The following GRIN2A variants were observed in gnomAD, a reference collection of about 807,000 sequenced individuals.
GRIN2A encodes glutamate receptor ionotropic, NMDA 2A.
In GRIN2A, 22 loss-of-function variants were observed where a neutral mutation model predicts 113.4. The ratio of observed to expected loss-of-function variants is 0.19; its 90% confidence interval spans 0.14 to 0.28. The LOEUF (loss-of-function observed/expected upper bound fraction) is 0.28, where lower values mean the gene tolerates loss of function less well. Among genes scored for constraint, GRIN2A ranks in the 10% least tolerant of loss-of-function variants. The pLI is 1.00. For synonymous variants in GRIN2A, 827 were observed against 738.4 expected (o/e 1.12, Z -1.94); for missense variants, 1,502 against 1,887.0 (o/e 0.80, Z 3.78).
chr16:9,818,903 A>C (rs2141286889), intron 10 of GRIN2A, among the ~76,000 whole-genome samples: 1 of 152,362 alleles, frequency 6.6e-6, no homozygotes, highest in South Asian at 2.1e-4. Context: ...AATGTGACGC[A>C]ATACAAAGAT....
chr16:9,993,865 G>C (rs1055135403), intron 2 of GRIN2A, among the ~76,000 whole-genome samples: 2 of 152,184 alleles, frequency 1.3e-5, no homozygotes, highest in Admixed American at 6.5e-5. Context: ...GGCTCATGTG[G>C]GGAAAAGGAT....
At chr16:10,146,360 C>T (rs1037896880) in intron 2 of GRIN2A, among the ~76,000 whole-genome samples, 3 of 152,126 alleles carry the variant, frequency 2.0e-5, no homozygotes, top group African/African-American at 7.2e-5. Flanking sequence ...TCAGGTGATC[C>T]GCCCACCTCG....
At chr16:9,992,195 C>T (rs1323023055) in intron 2 of GRIN2A, among the ~76,000 whole-genome samples, 1 of 152,094 alleles carries the variant, frequency 6.6e-6, no homozygotes. Flanking sequence ...ATCCAATGAT[C>T]CGTTCATGGA....
At chr16:10,095,238 T>G (rs1384286417) in intron 2 of GRIN2A, among the ~76,000 whole-genome samples, 1 of 152,048 alleles carries the variant, frequency 6.6e-6, no homozygotes, top group Non-Finnish European at 1.5e-5. Context: ...TTTAGAACCA[T>G]GAAAAAAATA....
At chr16:9,832,739 C>A (rs2042518637) in intron 8 of GRIN2A, among the ~76,000 whole-genome samples, 1 of 152,172 alleles carries the variant, frequency 6.6e-6, no homozygotes, top group Non-Finnish European at 1.5e-5. Flanking sequence ...AGATTCCACC[C>A]TGTTGGAAAT....
intron 10 of GRIN2A, 101 bp from the exon 11 acceptor site, chr16:9,798,565 A>G: frequency 1.2e-6 from 1 of 817,650 alleles, no homozygotes; most frequent in Non-Finnish European, 2.1e-6. Context: ...ACTTTCTTTC[A>G]TGCTGGTGAT....
At chr16:9,993,061 CA>C (rs34615682) in intron 2 of GRIN2A, among the ~76,000 whole-genome samples, 67 of 149,726 alleles carry the variant, frequency 4.5e-4, no homozygotes, top group African/African-American at 7.1e-4. Flanking sequence ...ACCAAAAATA[CA>C]AAAAAAAACC....
chr16:10,013,595 C>T (rs2046550237), intron 2 of GRIN2A, among the ~76,000 whole-genome samples: 1 of 152,172 alleles, frequency 6.6e-6, no homozygotes, highest in African/African-American at 2.4e-5. Flanking sequence ...CTGAGACCTT[C>T]CTGGAATCAT....
At chr16:9,791,791 T>C (rs1044048125) in intron 11 of GRIN2A, among the ~76,000 whole-genome samples, 5 of 151,872 alleles carry the variant, frequency 3.3e-5, no homozygotes, top group Admixed American at 1.3e-4. Flanking sequence ...CAGTGGAAGA[T>C]ACAAGGCCAA....
chr16:9,940,345 C>G (rs957584431), intron 2 of GRIN2A, among the ~76,000 whole-genome samples: 2 of 152,024 alleles, frequency 1.3e-5, no homozygotes, highest in Non-Finnish European at 2.9e-5. Flanking sequence ...CATTGCAGTT[C>G]CATGAATTTT....
chr16:9,916,670 C>T (rs1018516699), intron 3 of GRIN2A, among the ~76,000 whole-genome samples: 26 of 152,166 alleles, frequency 1.7e-4, no homozygotes, highest in African/African-American at 6.3e-4. Context: ...ACTCCTAGCT[C>T]TTTTTCCACC....
Position 9,842,950 on chromosome 16 carries a change from A to AG in GRIN2A, c.1329-1847_1329-1846insC, listed in dbSNP as rs761806083. Among the ~76,000 whole-genome samples, 1,027 of 140,786 alleles carry AG rather than the reference A, an allele frequency of 7.3e-3. 5 individuals carry two copies. Among genetic ancestry groups the AG allele is most frequent in the Non-Finnish European group, 0.011 (691 of 64,850 alleles). The allele number at this position is 140,786 out of a possible 152,430, so 92.4% of individuals were successfully genotyped here. ...TGTCGAGAGAAAGAGAGAAAGAAAG[A>AG]AAGAGAGAGAGAGAGAGAGAGGAAG... On this transcript the variant is annotated intron_variant, in intron 5 of 12. Transcript: ENST00000330684.
chr16:10,101,562 TG>T (rs1289604796), intron 2 of GRIN2A, among the ~76,000 whole-genome samples: 1 of 111,984 alleles, frequency 8.9e-6, no homozygotes, highest in African/African-American at 3.4e-5. Flanking sequence ...CCAGAATCCC[TG>T]GGGTCATTTA....
rs1052168243 is a variant in GRIN2A at position 9,892,330 on chromosome 16, T to C, written c.1008-1230A>G. Among the ~76,000 whole-genome samples the C allele has an allele frequency of 2.6e-5, 4 of 151,994 alleles. 1 individual carries two copies. Among genetic ancestry groups the C allele is most frequent in the Admixed American group, 2.6e-4 (4 of 15,266 alleles). On this transcript the variant is annotated intron_variant, in intron 3 of 12. Coordinates refer to ENST00000330684, the MANE Select transcript of GRIN2A (RefSeq NM_001134407.3). ...TGTCAATTGAAGGCTGTGTAGAGAA[T>C]AGATTGGAGGGGAACCAGAGCGGGT...
intron 3 of GRIN2A, among the ~76,000 whole-genome samples, chr16:9,903,281 T>G (rs909321508): frequency 2.6e-5 from 4 of 152,140 alleles, no homozygotes; most frequent in Admixed American, 2.0e-4. Flanking sequence ...CTTGGTTTTC[T>G]TAATCCATTC....
chr16:10,144,965 G>T (rs1189634935), intron 2 of GRIN2A, among the ~76,000 whole-genome samples: 5 of 129,300 alleles, frequency 3.9e-5, no homozygotes, highest in South Asian at 2.7e-4. Context: ...TAAAGAAAAT[G>T]TGACATATTT....
At position 9,906,778 on chromosome 16, in the gene GRIN2A, C is replaced by T. The variant is rs369514314; in HGVS notation, c.1008-15678G>A. ...TTGAATGGACCAATAAATCATTTTG[C>T]ACTTTTTTGTGCCTAAGTTAACAAG... On this transcript the variant is annotated intron_variant, in intron 3 of 12. Coordinates refer to ENST00000330684, the MANE Select transcript of GRIN2A (RefSeq NM_001134407.3). 2.0e-5 allele frequency among the ~76,000 whole-genome samples: 3 copies of T among 152,292 alleles called. No individual in the cohort carries two copies. In the East Asian group the frequency reaches 5.8e-4, roughly 29 times the overall value.
chr16:9,767,441 A>C (rs1200999450), intron 12 of GRIN2A, among the ~76,000 whole-genome samples: 1 of 152,120 alleles, frequency 6.6e-6, no homozygotes, highest in South Asian at 2.1e-4. Flanking sequence ...TCTAGGGTAC[A>C]TGTGCACAAC....
intron 2 of GRIN2A, among the ~76,000 whole-genome samples, chr16:10,152,588 C>G (rs1045913401): frequency 5.3e-5 from 8 of 152,280 alleles, no homozygotes; most frequent in Middle Eastern, 3.4e-3. Flanking sequence ...CTTGATCACC[C>G]TTCTTGGTTT....
Sources: gnomAD v4.1 joint callset for allele counts (sites outside exome capture counted in the v4.1 genomes callset) on GRCh38, gnomAD v4.1.1 for gene constraint, MANE v1.5 for transcripts, NCBI Gene and HGNC (gene_info 2026-07-23, HGNC 2026-07-21) for gene names.